The following CDIN1 variants were observed in gnomAD, a reference collection of about 807,000 sequenced individuals.
CDIN1 encodes the protein CDAN1-interacting nuclease 1.
In CDIN1, 33 loss-of-function variants were observed where a neutral mutation model predicts 45.3. That is an observed-to-expected ratio of 0.73 (90% CI 0.55 to 0.97). The LOEUF (loss-of-function observed/expected upper bound fraction) is 0.97. Ranked by LOEUF, CDIN1 falls within the 50% of genes least tolerant of loss-of-function variation. The pLI is 0.00. For missense variants in CDIN1, 303 were observed against 339.4 expected (o/e 0.89, Z 0.84); for synonymous variants, 118 against 124.4 (o/e 0.95, Z 0.34).
intron 1 of CDIN1, among the ~76,000 whole-genome samples, chr15:36,595,415 A>T (rs575362566): frequency 1.3e-4 from 20 of 151,588 alleles, no homozygotes; most frequent in Middle Eastern, 6.9e-3. Context: ...TAAAACATGA[A>T]TTTCTCTATC....
At chr15:36,757,380 C>G (rs980198685) in intron 10 of CDIN1, among the ~76,000 whole-genome samples, 1 of 152,202 alleles carries the variant, frequency 6.6e-6, no homozygotes, top group Non-Finnish European at 1.5e-5. Context: ...GTTGTAGCCA[C>G]TTGGGTCGAG....
chr15:36,787,197 G>C (rs2054513981), intron 10 of CDIN1, among the ~76,000 whole-genome samples: 1 of 152,154 alleles, frequency 6.6e-6, no homozygotes, highest in Non-Finnish European at 1.5e-5. Flanking sequence ...AAGCCCTGAA[G>C]TACCAGGCAT....
intron 1 of CDIN1, among the ~76,000 whole-genome samples, chr15:36,601,960 G>T (rs1366243046): frequency 1.3e-5 from 2 of 152,166 alleles, no homozygotes; most frequent in East Asian, 3.8e-4. Flanking sequence ...ATCGATAGCA[G>T]CTCTCAATTT....
At chr15:36,582,288 C>T (rs2037082180) in intron 1 of CDIN1, among the ~76,000 whole-genome samples, 1 of 152,180 alleles carries the variant, frequency 6.6e-6, no homozygotes, top group Non-Finnish European at 1.5e-5. Context: ...CAAGTGCTTT[C>T]CTGGGAGGCA....
At chr15:36,801,541 T>C (rs77761510) in intron 10 of CDIN1, among the ~76,000 whole-genome samples, 13,673 of 152,124 alleles carry the variant, frequency 0.09, 695 homozygotes, top group African/African-American at 0.13. Flanking sequence ...ACCTCATACG[T>C]TCACTTAGAC....
At chr15:36,691,372 T>C (rs1229917890) in intron 5 of CDIN1, 1 of 145,222 alleles carries the variant, frequency 6.9e-6, no homozygotes, top group African/African-American at 2.9e-5. Flanking sequence ...TATTTTCTGA[T>C]TTTTTTTTTT....
intron 1 of CDIN1, among the ~76,000 whole-genome samples, chr15:36,586,577 C>A (rs947459519): frequency 6.6e-6 from 1 of 152,102 alleles, no homozygotes; most frequent in Non-Finnish European, 1.5e-5. Flanking sequence ...AAAACAACAA[C>A]AACAAACAGC....
chr15:36,580,712 AC>A (rs1166315401), intron 1 of CDIN1, among the ~76,000 whole-genome samples: 1 of 152,198 alleles, frequency 6.6e-6, no homozygotes, highest in Non-Finnish European at 1.5e-5. Context: ...TACATGAGGA[AC>A]CAGTTGAGGA....
chr15:36,717,669 G>T (rs960657906), intron 10 of CDIN1, among the ~76,000 whole-genome samples: 1 of 152,088 alleles, frequency 6.6e-6, no homozygotes, highest in Admixed American at 6.6e-5. Context: ...CTTGAGTAAA[G>T]ATGTAATGTA....
chr15:36,641,659 G>A (rs933729645), intron 1 of CDIN1, among the ~76,000 whole-genome samples: 1 of 152,176 alleles, frequency 6.6e-6, no homozygotes, highest in African/African-American at 2.4e-5. Flanking sequence ...TAAAGATTCA[G>A]GGTATGATTT....
chr15:36,655,206 A>G (rs2040731001), intron 4 of CDIN1, among the ~76,000 whole-genome samples: 1 of 152,234 alleles, frequency 6.6e-6, no homozygotes, highest in Admixed American at 6.5e-5. Flanking sequence ...AGCAATGTCT[A>G]CACAATCAGA....
chr15:36,611,425 C>T (rs2038644853), intron 1 of CDIN1, among the ~76,000 whole-genome samples: 1 of 152,170 alleles, frequency 6.6e-6, no homozygotes, highest in Non-Finnish European at 1.5e-5. Context: ...GTGAACTAAC[C>T]ACCTATTTCA....
chr15:36,645,963 A>C (rs2040310701), intron 3 of CDIN1, among the ~76,000 whole-genome samples: 1 of 30,068 alleles, frequency 3.3e-5, no homozygotes, highest in African/African-American at 1.1e-4. Context: ...AATATTTAAA[A>C]TAGCTCTGTT....
intron 1 of CDIN1, among the ~76,000 whole-genome samples, chr15:36,638,268 A>G (rs143021338): frequency 9.8e-4 from 149 of 152,330 alleles, no homozygotes; most frequent in African/African-American, 3.3e-3. Context: ...CATAGAGCAA[A>G]AACACAGGAA....
intron 1 of CDIN1, chr15:36,642,108 C>A (rs955232231): frequency 6.6e-5 from 10 of 152,230 alleles, no homozygotes; most frequent in Non-Finnish European, 1.2e-4. Context: ...ATCCTCTCCC[C>A]ACCTGCCCAG....
At chr15:36,777,406 GAA>G (rs61343212) in intron 10 of CDIN1, among the ~76,000 whole-genome samples, 15 of 118,730 alleles carry the variant, frequency 1.3e-4, no homozygotes, top group South Asian at 5.5e-4. Context: ...TTTTAGATCT[GAA>G]AAAAAAAAAA....
At chr15:36,635,784 G>C (rs993537699) in intron 1 of CDIN1, among the ~76,000 whole-genome samples, 3 of 152,122 alleles carry the variant, frequency 2.0e-5, no homozygotes, top group African/African-American at 7.2e-5. Context: ...AGAAAATTTA[G>C]AACTGAAAAA....
intron 10 of CDIN1, among the ~76,000 whole-genome samples, chr15:36,729,746 T>C (rs1478560412): frequency 6.6e-6 from 1 of 152,212 alleles, no homozygotes; most frequent in Non-Finnish European, 1.5e-5. Flanking sequence ...TTCTAAGATT[T>C]GTCATTTATC....
In CDIN1 at chr15:36,777,376, T is replaced by C. The variant is rs186457275; in HGVS notation, c.717-30948T>C. Among the ~76,000 whole-genome samples the C allele has an allele frequency of 4.6e-5, 7 of 151,680 alleles. No individual in the cohort carries two copies. In the East Asian group the frequency reaches 1.4e-3, roughly 29 times the overall value. ...TCACCTTATGTTGGACAAACCCTTT[T>C]AGAGTTACGCTTTGTTGGTTTTTAG... On this transcript the variant is annotated intron_variant, in intron 10 of 10. Coordinates refer to ENST00000566621, the MANE Select transcript of CDIN1 (RefSeq NM_001321759.2).
Sources: allele counts gnomAD v4.1 joint callset (sites outside exome capture counted in the v4.1 genomes callset), GRCh38; gene constraint gnomAD v4.1.1; transcripts MANE v1.5; gene names NCBI Gene and HGNC (gene_info 2026-07-23, HGNC 2026-07-21).